SULT1C3: variants seen among roughly 807,000 people sequenced by gnomAD.
The protein encoded by SULT1C3 is sulfotransferase family 1C member 3.
Under a neutral mutation model 28.4 loss-of-function variants are expected in SULT1C3, and 31 were observed. The ratio of observed to expected loss-of-function variants is 1.09; its 90% CI spans 0.82 to 1.47. SULT1C3 has a LOEUF of 1.47. SULT1C3 is among the 40% of genes most tolerant of loss of function. SULT1C3 has a pLI of 0.00. For synonymous variants in SULT1C3, 106 were observed against 92.2 expected (o/e 1.15, Z -0.86); for missense variants, 307 against 272.5 (o/e 1.13, Z -0.89).
intron 5 of SULT1C3, among the ~76,000 whole-genome samples, chr2:108,257,001 T>C (rs541178363): frequency 6.6e-6 from 1 of 152,184 alleles, no homozygotes; most frequent in Admixed American, 6.5e-5. Context: ...CTTATATGAT[T>C]TTTTCCAAGG....
Position 108,250,722 on chromosome 2 carries a change from A to T in SULT1C3, c.173-1643A>T, listed in dbSNP as rs530338699. ...TACAATTGAACTGTTCTCAGCAATT[A>T]AAAAAAATGAACTACAGATATATAC... On this transcript the variant is annotated intron_variant, in intron 2 of 7. Coordinates refer to ENST00000681802, the MANE Select transcript of SULT1C3 (RefSeq NM_001320878.2). 1.2e-3 allele frequency among the ~76,000 whole-genome samples: 177 copies of T among 152,034 alleles called. 1 individual carries two copies. The highest frequency in any genetic ancestry group is 4.1e-3 in the African/African-American group (170 of 41,518).
At chr2:108,247,590 G>T (rs1373439273) in intron 2 of SULT1C3, among the ~76,000 whole-genome samples, 1 of 152,112 alleles carries the variant, frequency 6.6e-6, no homozygotes, top group African/African-American at 2.4e-5. Context: ...TGCTTTGGTA[G>T]TAGGGCAGAT....
At chr2:108,243,684 C>G (rs982864474) in intron 1 of SULT1C3, among the ~76,000 whole-genome samples, 3 of 151,128 alleles carry the variant, frequency 2.0e-5, no homozygotes, top group Non-Finnish European at 2.9e-5. Context: ...GACCAAAAAA[C>G]TAGCCAGAAG....
intron 5 of SULT1C3, among the ~76,000 whole-genome samples, chr2:108,257,244 G>C (rs1355844673): frequency 6.6e-6 from 1 of 151,936 alleles, no homozygotes; most frequent in Admixed American, 6.6e-5. Context: ...GTTTCCAAAA[G>C]AAAGGATTCT....
At chr2:108,257,129 C>T (rs1675885701) in intron 5 of SULT1C3, among the ~76,000 whole-genome samples, 1 of 151,916 alleles carries the variant, frequency 6.6e-6, no homozygotes, top group Admixed American at 6.6e-5. Flanking sequence ...TTGTGATTTA[C>T]ATCTATAATC....
chr2:108,248,452 A>G (rs1675645326), intron 2 of SULT1C3, among the ~76,000 whole-genome samples: 1 of 152,198 alleles, frequency 6.6e-6, no homozygotes, highest in African/African-American at 2.4e-5. Flanking sequence ...AGAAAAAGCC[A>G]TAGCAAACTC....
At position 108,252,465 on chromosome 2, in the gene SULT1C3, A is replaced by G. The variant is rs745403598; in HGVS notation, c.273A>G (p.Glu91=). 1.9e-6 allele frequency: 3 copies of G among 1,612,414 alleles called. No individual in the cohort carries two copies. The Admixed American group carries it at 5.0e-5, about 27-fold the overall frequency. The change falls in exon 3 of 8, where the codon GAA becomes GAG. Residue 91 remains glutamate (E), a synonymous_variant. Coordinates refer to ENST00000681802, the MANE Select transcript of SULT1C3 (RefSeq NM_001320878.2). ...AQTLDRHAFL[E]LKFPHKEKPD... is the part of the protein sequence containing the mutation. ...CTCTAGATAGACACGCTTTCCTTGA[A>G]CTGAAATTTCCCCATAAAGAAAAAC...
chr2:108,251,808 T>C (rs557286042), intron 2 of SULT1C3, among the ~76,000 whole-genome samples: 2 of 152,098 alleles, frequency 1.3e-5, no homozygotes, highest in African/African-American at 2.4e-5. Context: ...TACATCTTAA[T>C]TGGGCAAAAG....
intron 4 of SULT1C3, 97 bp from the exon 5 acceptor site, chr2:108,255,475 A>G (rs964895744): frequency 1.4e-6 from 2 of 1,394,252 alleles, no homozygotes; most frequent in Non-Finnish European, 2.0e-6. Context: ...CTATAAACTT[A>G]TAGGATATGG....
intron 2 of SULT1C3, 36 bp downstream of exon 2, chr2:108,247,402 T>C (rs1439745577): frequency 1.4e-6 from 2 of 1,463,930 alleles, no homozygotes; most frequent in Non-Finnish European, 9.1e-7. Context: ...TTCAATATTT[T>C]CACGTGAAAT....
intron 2 of SULT1C3, 93 bp downstream of exon 2, chr2:108,247,459 G>A: frequency 1.7e-6 from 2 of 1,207,272 alleles, no homozygotes; most frequent in Non-Finnish European, 2.2e-6. Flanking sequence ...GGGATTTGGA[G>A]AGAAACAATT....
intron 2 of SULT1C3, among the ~76,000 whole-genome samples, chr2:108,251,475 CTAG>C: frequency 6.6e-6 from 1 of 152,108 alleles, no homozygotes; most frequent in Admixed American, 6.6e-5. Context: ...AGTAGTATCA[CTAG>C]TAGTGAGGCA....
intron 5 of SULT1C3, 58 bp from the exon 6 acceptor site, chr2:108,258,676 T>C: frequency 7.7e-7 from 1 of 1,306,098 alleles, no homozygotes; most frequent in Non-Finnish European, 1.1e-6. Flanking sequence ...CTAATTTACT[T>C]TATAGCCTTG....
intron 2 of SULT1C3, among the ~76,000 whole-genome samples, chr2:108,248,236 G>A (rs1675635305): frequency 6.6e-6 from 1 of 152,112 alleles, no homozygotes; most frequent in South Asian, 2.1e-4. Context: ...CCAAAAGAAT[G>A]ATCACTAACT....
chr2:108,259,794 GC>G (rs937067817), intron 7 of SULT1C3, among the ~76,000 whole-genome samples: 1 of 151,966 alleles, frequency 6.6e-6, no homozygotes, highest in Non-Finnish European at 1.5e-5. Context: ...CTAGATACAT[GC>G]AAAAATAGCT....
At chr2:108,259,628 A>G (rs543626153) in intron 7 of SULT1C3, among the ~76,000 whole-genome samples, 11 of 152,092 alleles carry the variant, frequency 7.2e-5, no homozygotes, top group Non-Finnish European at 1.5e-4. Flanking sequence ...TGTCTCCAAA[A>G]TAAGATGATA....
chr2:108,261,952 T>G (rs1268927922), downstream of SULT1C3, among the ~76,000 whole-genome samples: 3 of 151,946 alleles, frequency 2.0e-5, no homozygotes, highest in Admixed American at 1.3e-4. Context: ...AGGCCTGCTG[T>G]AAGGAAGCAG....
chr2:108,241,941 A>G (rs939197658), intron 1 of SULT1C3, among the ~76,000 whole-genome samples: 6 of 151,932 alleles, frequency 3.9e-5, no homozygotes, highest in Non-Finnish European at 8.8e-5. Flanking sequence ...AAAAAAAAAA[A>G]AAAATCACTG....
At chr2:108,263,231 G>A (rs1363182308), downstream of SULT1C3, among the ~76,000 whole-genome samples, 1 of 152,072 alleles carries the variant, frequency 6.6e-6, no homozygotes, top group Non-Finnish European at 1.5e-5. Flanking sequence ...ATCCTAACTG[G>A]GTACTGTTAA....
Sources: gnomAD v4.1 joint callset for allele counts (sites outside exome capture counted in the v4.1 genomes callset) on GRCh38, gnomAD v4.1.1 for gene constraint, MANE v1.5 for transcripts, NCBI Gene and HGNC (gene_info 2026-07-23, HGNC 2026-07-21) for gene names.